FMNL2: variants seen among roughly 807,000 people sequenced by gnomAD.
FMNL2 encodes the protein formin-like protein 2.
In FMNL2, 51 loss-of-function variants were observed where a neutral mutation model predicts 130.2. The ratio of observed to expected loss-of-function variants is 0.39; its 90% CI spans 0.31 to 0.49. The LOEUF (loss-of-function observed/expected upper bound fraction) is 0.49. FMNL2 is among the 20% of genes least tolerant of loss of function. The probability of loss-of-function intolerance (pLI) is 0.85; values close to 1 mark genes in which losing one functional copy is unlikely to be tolerated. For synonymous variants in FMNL2, 465 were observed against 467.1 expected (o/e 1.00, Z 0.06); for missense variants, 977 against 1,316.2 (o/e 0.74, Z 3.99).
intron 1 of FMNL2, among the ~76,000 whole-genome samples, chr2:152,471,995 C>G (rs192877615): frequency 6.6e-6 from 1 of 152,300 alleles, no homozygotes; most frequent in Admixed American, 6.5e-5. Flanking sequence ...AACAGCTGAT[C>G]ACATCTGCTC....
chr2:152,488,035 C>T (rs1174206562), intron 1 of FMNL2, among the ~76,000 whole-genome samples: 1 of 152,160 alleles, frequency 6.6e-6, no homozygotes, highest in Non-Finnish European at 1.5e-5. Flanking sequence ...CCACCTCGGC[C>T]TCTCAAAGTG....
intron 1 of FMNL2, among the ~76,000 whole-genome samples, chr2:152,447,043 G>T: frequency 6.6e-6 from 1 of 151,644 alleles, no homozygotes; most frequent in South Asian, 2.1e-4. Context: ...CCCTGAAAGA[G>T]AAGAGTTTAA....
rs367565927 is a variant in FMNL2, at chr2:152,587,808, G to A, written c.876+6759G>A. Among the ~76,000 whole-genome samples the A allele has an allele frequency of 1.1e-4, 17 of 152,178 alleles. No homozygotes were observed. The South Asian group carries it at 2.5e-3, about 22-fold the overall frequency. On this transcript the variant is annotated intron_variant, in intron 9 of 25. Coordinates refer to ENST00000288670, the MANE Select transcript of FMNL2 (RefSeq NM_052905.4). ...TGTGTCAGAAACATTGATAAATATT[G>A]GAATATGAAAATGAATCAGACATAT...
chr2:152,462,927 T>G (rs1019894757), intron 1 of FMNL2, among the ~76,000 whole-genome samples: 1 of 152,326 alleles, frequency 6.6e-6, no homozygotes, highest in East Asian at 1.9e-4. Flanking sequence ...TTATAAAGAA[T>G]GTTTCTTTTG....
At chr2:152,569,704 TAAAAA>T (rs773973729) in intron 6 of FMNL2, among the ~76,000 whole-genome samples, 1 of 126,386 alleles carries the variant, frequency 7.9e-6, no homozygotes, top group Non-Finnish European at 1.7e-5. Flanking sequence ...AAAAGGAAGT[TAAAAA>T]AAAAAAAAAG....
At chr2:152,623,545 G>A (rs1360434112) in intron 15 of FMNL2, among the ~76,000 whole-genome samples, 1 of 152,162 alleles carries the variant, frequency 6.6e-6, no homozygotes, top group Non-Finnish European at 1.5e-5. Context: ...TAACTCTGGA[G>A]GAATGAGAGG....
At chr2:152,568,832 G>A (rs1374042106) in intron 6 of FMNL2, among the ~76,000 whole-genome samples, 1 of 152,030 alleles carries the variant, frequency 6.6e-6, no homozygotes, top group African/African-American at 2.4e-5. Context: ...CGATACATGG[G>A]GATTATGGGA....
intron 8 of FMNL2, among the ~76,000 whole-genome samples, chr2:152,579,711 A>G (rs941172015): frequency 3.9e-5 from 6 of 151,974 alleles, no homozygotes; most frequent in Admixed American, 6.5e-5. Context: ...AAATAAAGAA[A>G]GAAAGAAATA....
At position 152,338,820 on chromosome 2, in the gene FMNL2, T is replaced by TACACACACAC. The variant is rs58367779; in HGVS notation, c.117+3124_117+3133dup. Among the ~76,000 whole-genome samples the TACACACACAC allele has an allele frequency of 6.9e-3, 1,033 of 148,958 alleles. 15 individuals carry two copies. Among genetic ancestry groups the TACACACACAC allele is most frequent in the Middle Eastern group, 0.049 (14 of 284 alleles). On this transcript the variant is annotated intron_variant, in intron 1 of 25. Coordinates refer to ENST00000288670, the MANE Select transcript of FMNL2 (RefSeq NM_052905.4). ...TTTCAGGTACAGCTGGAAGGTGAGA[T>TACACACACAC]ACACACACACACACACACACACACA...
At chr2:152,362,979 C>A (rs1232198625) in intron 1 of FMNL2, among the ~76,000 whole-genome samples, 1 of 152,130 alleles carries the variant, frequency 6.6e-6, no homozygotes, top group Non-Finnish European at 1.5e-5. Flanking sequence ...ATGTCCATAA[C>A]AGGCAAAACT....
In FMNL2 at chr2:152,648,037, CG is replaced by C. The variant is rs1339189463; in HGVS notation, c.*134del. 4 of 793,738 alleles carry C rather than the reference CG, an allele frequency of 5.0e-6. No homozygotes were observed. The highest frequency in any genetic ancestry group is 3.0e-5 in the Admixed American group (1 of 33,148). 49.2% of individuals were successfully genotyped at this position (793,738 alleles called of 1,614,324 possible). On this transcript the variant is annotated 3_prime_UTR_variant, in exon 26 of 26. Coordinates refer to ENST00000288670, the MANE Select transcript of FMNL2 (RefSeq NM_052905.4). Reference sequence around the variant, plus strand: ...CTTAAGGGCTCAGATTTAGCAAACACGGAAGAATTTTAAAATGAGCTCTCCT... The same window carrying C: ...CTTAAGGGCTCAGATTTAGCAAACACGAAGAATTTTAAAATGAGCTCTCCT...
intron 9 of FMNL2, 102 bp from the exon 10 acceptor site, chr2:152,607,237 G>T (rs1559003466): frequency 1.0e-6 from 1 of 954,574 alleles, no homozygotes; most frequent in Middle Eastern, 2.2e-4. Flanking sequence ...GAGAGAAAAA[G>T]ATAGATATTC....
chr2:152,617,066 C>A, intron 12 of FMNL2, 25 bp from the exon 13 acceptor site: 1 of 1,603,854 alleles, frequency 6.2e-7, no homozygotes, highest in Non-Finnish European at 8.5e-7. Context: ...TGTATTGTGA[C>A]AGCTTTCTTT....
intron 2 of FMNL2, among the ~76,000 whole-genome samples, chr2:152,524,113 G>A (rs1346444548): frequency 1.3e-5 from 2 of 152,154 alleles, no homozygotes; most frequent in Non-Finnish European, 2.9e-5. Context: ...TTACTTTAAA[G>A]AGAGAAGGAT....
At chr2:152,598,198 C>T (rs1056957328) in intron 9 of FMNL2, among the ~76,000 whole-genome samples, 1 of 152,188 alleles carries the variant, frequency 6.6e-6, no homozygotes, top group Non-Finnish European at 1.5e-5. Context: ...CATGCGATAA[C>T]CCCTAGAGAT....
At chr2:152,642,740 C>T (rs73016123) in intron 25 of FMNL2, among the ~76,000 whole-genome samples, 4,737 of 152,268 alleles carry the variant, frequency 0.031, 139 homozygotes, top group African/African-American at 0.076. Context: ...GGCGAGGTGG[C>T]CCATGCCTGT....
chr2:152,558,197 G>A (rs929210974), intron 4 of FMNL2, among the ~76,000 whole-genome samples: 3 of 152,132 alleles, frequency 2.0e-5, no homozygotes, highest in Admixed American at 2.0e-4. Flanking sequence ...AACATTCATG[G>A]AAAAAGTTAA....
chr2:152,353,324 G>C (rs1172178278), intron 1 of FMNL2, among the ~76,000 whole-genome samples: 1 of 152,170 alleles, frequency 6.6e-6, no homozygotes, highest in Non-Finnish European at 1.5e-5. Flanking sequence ...TTAGAGATTT[G>C]AGTGTGTGTC....
intron 1 of FMNL2, among the ~76,000 whole-genome samples, chr2:152,442,897 C>T (rs1391193199): frequency 6.6e-6 from 1 of 152,124 alleles, no homozygotes; most frequent in Non-Finnish European, 1.5e-5. Context: ...TAGGTCTGGG[C>T]TAGAGCCTGA....
Sources: allele counts gnomAD v4.1 joint callset (sites outside exome capture counted in the v4.1 genomes callset), GRCh38; gene constraint gnomAD v4.1.1; transcripts MANE v1.5; gene names NCBI Gene and HGNC (gene_info 2026-07-23, HGNC 2026-07-21).